The following OSBPL10 variants were observed in gnomAD, a reference collection of about 807,000 sequenced individuals.
OSBPL10 encodes the protein oxysterol-binding protein-related protein 10.
In OSBPL10, 49 loss-of-function variants were observed where a neutral mutation model predicts 81.7. That is an observed-to-expected ratio of 0.60 (90% CI 0.48 to 0.76). The LOEUF (loss-of-function observed/expected upper bound fraction) is 0.76. OSBPL10 is among the 30% of genes least tolerant of loss of function. OSBPL10 has a pLI of 0.00. For synonymous variants in OSBPL10, 419 were observed against 383.6 expected (o/e 1.09, Z -1.08); for missense variants, 923 against 987.8 (o/e 0.93, Z 0.88).
At chr3:32,068,887 A>G (rs141503997) in intron 1 of OSBPL10, among the ~76,000 whole-genome samples, 4,599 of 151,802 alleles carry the variant, frequency 0.03, 239 homozygotes, top group African/African-American at 0.1. Context: ...TCCTCCCCAG[A>G]CTGCTCCTCC....
At chr3:31,771,224 T>A (rs540439273) in intron 4 of OSBPL10, among the ~76,000 whole-genome samples, 1 of 152,330 alleles carries the variant, frequency 6.6e-6, no homozygotes, top group South Asian at 2.1e-4. Flanking sequence ...CTTAAAACAG[T>A]GACAGGCATG....
intron 5 of OSBPL10, among the ~76,000 whole-genome samples, chr3:31,734,655 T>C (rs1697093597): frequency 6.6e-6 from 1 of 152,166 alleles, no homozygotes; most frequent in African/African-American, 2.4e-5. Flanking sequence ...GGAGGATCTA[T>C]TGAGCCAAGG....
At chr3:31,894,793 C>T (rs1353389838) in intron 1 of OSBPL10, among the ~76,000 whole-genome samples, 1 of 152,216 alleles carries the variant, frequency 6.6e-6, no homozygotes, top group African/African-American at 2.4e-5. Context: ...ACCTATTTCC[C>T]TTCTCTCTCA....
chr3:31,965,996 T>A (rs977749860), intron 1 of OSBPL10, among the ~76,000 whole-genome samples: 2 of 120,160 alleles, frequency 1.7e-5, no homozygotes, highest in East Asian at 2.8e-4. Context: ...ATATAAAATA[T>A]AATATATATA....
At chr3:31,750,933 G>A (rs927838080) in intron 4 of OSBPL10, among the ~76,000 whole-genome samples, 3 of 151,944 alleles carry the variant, frequency 2.0e-5, no homozygotes, top group South Asian at 2.1e-4. Flanking sequence ...ATAAAAACAC[G>A]AAACCGGCTT....
In OSBPL10 at chr3:31,980,892, G is replaced by T; in HGVS notation, c.281+7C>A. 1.9e-6 allele frequency: 3 copies of T among 1,561,426 alleles called. No homozygotes were observed. ...GCGCGCGGTGGCGCGGGCGGCTGGC[G>T]CGTTACCTGTTCTGCCAGCCCTGGA... is the stretch of plus-strand genomic sequence containing the variant. On this transcript the variant is annotated splice_region_variant and intron_variant, in intron 1 of 11. Transcript: ENST00000396556.
intron 1 of OSBPL10, among the ~76,000 whole-genome samples, chr3:31,931,355 C>T (rs1697244331): frequency 6.6e-6 from 1 of 152,146 alleles, no homozygotes; most frequent in Non-Finnish European, 1.5e-5. Flanking sequence ...TCTTGCTTAA[C>T]CTATTTCCTT....
chr3:31,896,898 C>T (rs1696075350), intron 1 of OSBPL10, among the ~76,000 whole-genome samples: 1 of 152,106 alleles, frequency 6.6e-6, no homozygotes, highest in Admixed American at 6.5e-5. Context: ...ACACTTCAGT[C>T]CAAAGGGCAC....
chr3:31,761,827 A>AAAAAAAAAAAAAC (rs996116489), intron 4 of OSBPL10, among the ~76,000 whole-genome samples: 11 of 149,542 alleles, frequency 7.4e-5, no homozygotes, highest in African/African-American at 2.8e-4. Flanking sequence ...AAAAAAAAAA[A>AAAAAAAAAAAAAC]AAAACCCTAA....
At chr3:31,834,438 C>T (rs762277872) in intron 3 of OSBPL10, among the ~76,000 whole-genome samples, 5 of 152,188 alleles carry the variant, frequency 3.3e-5, no homozygotes, top group African/African-American at 9.6e-5. Flanking sequence ...TCGTAAGCAC[C>T]TGGCTGATGA....
chr3:31,894,605 T>A (rs1235754559), intron 1 of OSBPL10, among the ~76,000 whole-genome samples: 1 of 152,206 alleles, frequency 6.6e-6, no homozygotes, highest in Non-Finnish European at 1.5e-5. Context: ...AAAGAACTTC[T>A]CTTCCAAACA....
intron 10 of OSBPL10, 125 bp from the exon 11 acceptor site, chr3:31,664,357 C>G: frequency 7.8e-6 from 7 of 896,356 alleles, no homozygotes; most frequent in Non-Finnish European, 1.7e-6. Context: ...GGTAGCTCAT[C>G]CCAGATACCT....
intron 7 of OSBPL10, 84 bp downstream of exon 7, chr3:31,702,275 G>A (rs1216105786): frequency 2.2e-5 from 32 of 1,483,402 alleles, no homozygotes; most frequent in African/African-American, 7.0e-5. Context: ...TCACCACAAC[G>A]AAAAGAATGT....
chr3:31,790,619 G>A (rs1429714330), intron 4 of OSBPL10, among the ~76,000 whole-genome samples: 1 of 152,140 alleles, frequency 6.6e-6, no homozygotes, highest in Non-Finnish European at 1.5e-5. Flanking sequence ...CTGCAGGTGG[G>A]GCTGCCACTG....
intron 5 of OSBPL10, among the ~76,000 whole-genome samples, chr3:31,744,728 C>G (rs1198680164): frequency 6.6e-6 from 1 of 151,548 alleles, no homozygotes; most frequent in Admixed American, 6.6e-5. Context: ...TGAAATGCAT[C>G]CATTTGAGCT....
At chr3:31,747,888 G>A in intron 5 of OSBPL10, 22 bp downstream of exon 5, 1 of 1,610,992 alleles carries the variant, frequency 6.2e-7, no homozygotes, top group Non-Finnish European at 8.5e-7. Context: ...CCCAAACATG[G>A]ACAAGCCCCC....
intron 2 of OSBPL10, among the ~76,000 whole-genome samples, chr3:32,040,850 A>G (rs1386366910): frequency 1.3e-5 from 2 of 152,168 alleles, no homozygotes; most frequent in African/African-American, 2.4e-5. Context: ...TAAAAGTTAA[A>G]AATTGTTTTT....
At chr3:31,715,172 TGTTA>T (rs750577369) in intron 6 of OSBPL10, among the ~76,000 whole-genome samples, 5 of 152,170 alleles carry the variant, frequency 3.3e-5, no homozygotes, top group African/African-American at 1.2e-4. Context: ...ATCCAGAAGC[TGTTA>T]GTCACATTTA....
rs190091298 is a variant in OSBPL10, at chr3:31,787,403, T to G, written c.730-39283A>C. On this transcript the variant is annotated intron_variant, in intron 4 of 11. Coordinates refer to ENST00000396556, the MANE Select transcript of OSBPL10 (RefSeq NM_017784.5). ...TGAGGTCAGGAGTTCCAGACCAGCC[T>G]GGCCAATATGGTGAAACCTTATCTC... 7.2e-5 allele frequency among the ~76,000 whole-genome samples: 11 copies of G among 152,246 alleles called. No individual in the cohort carries two copies. In the East Asian group the frequency reaches 2.1e-3, roughly 29 times the overall value.
Sources: gnomAD v4.1 joint callset for allele counts (sites outside exome capture counted in the v4.1 genomes callset) on GRCh38, gnomAD v4.1.1 for gene constraint, MANE v1.5 for transcripts, NCBI Gene and HGNC (gene_info 2026-07-23, HGNC 2026-07-21) for gene names.